Variants in VPS35L observed in about 807,000 individuals in gnomAD.
VPS35L encodes the protein VPS35 endosomal protein sorting factor like, also known as VPS35 endosomal protein-sorting factor-like.
A neutral mutation model predicts 133.0 loss-of-function variants in VPS35L; 83 were observed. The ratio of observed to expected loss-of-function variants is 0.62; its 90% confidence interval spans 0.52 to 0.75. VPS35L has a LOEUF of 0.75. VPS35L is among the 30% of genes least tolerant of loss of function. The pLI is 0.00. For missense variants in VPS35L, 1,083 were observed against 1,206.8 expected, an observed-to-expected ratio of 0.90 and a Z score of 1.52; for synonymous variants, 423 against 449.9, an observed-to-expected ratio of 0.94 and a Z score of 0.76.
chr16:19,630,906 G>C (rs1361565353), intron 18 of VPS35L, among the ~76,000 whole-genome samples: 1 of 152,160 alleles, frequency 6.6e-6, no homozygotes, highest in African/African-American at 2.4e-5. Flanking sequence ...CTACCCAGGA[G>C]GTTGAGGGAG....
intron 20 of VPS35L, 87 bp downstream of exon 20, chr16:19,637,743 G>A (rs1397641760): frequency 3.3e-6 from 3 of 915,010 alleles, no homozygotes; most frequent in Non-Finnish European, 5.0e-6. Context: ...TGATGCCCCA[G>A]GCCAAAAGAA....
chr16:19,602,017 T>C (rs1972400439), intron 9 of VPS35L, among the ~76,000 whole-genome samples: 1 of 152,048 alleles, frequency 6.6e-6, no homozygotes, highest in African/African-American at 2.4e-5. Context: ...ACTTTAATAT[T>C]TTTCCTATGT....
chr16:19,674,336 C>T (rs986024005), intron 27 of VPS35L, among the ~76,000 whole-genome samples: 7 of 150,096 alleles, frequency 4.7e-5, no homozygotes, highest in African/African-American at 9.8e-5. Context: ...AGACTACAGG[C>T]GCCCACCACC....
chr16:19,662,233 G>A (rs915814522), intron 26 of VPS35L, among the ~76,000 whole-genome samples: 6 of 152,148 alleles, frequency 3.9e-5, no homozygotes, highest in East Asian at 3.9e-4. Context: ...GGCCAGGCAC[G>A]GTGGCTCATG....
intron 22 of VPS35L, 91 bp downstream of exon 22, chr16:19,642,567 T>C (rs140711599): frequency 0.014 from 14,445 of 1,045,810 alleles, 227 homozygotes; most frequent in African/African-American, 0.056. Context: ...AAGCTGCCAC[T>C]GTGAATAATA....
chr16:19,677,831 C>T (rs1052765714), intron 27 of VPS35L, among the ~76,000 whole-genome samples: 8 of 152,216 alleles, frequency 5.3e-5, no homozygotes, highest in Non-Finnish European at 1.0e-4. Context: ...GAAGAACATA[C>T]GAGCTCACCT....
chr16:19,700,512 G>A lies in VPS35L; in HGVS notation c.*36G>A. 1 of 1,547,320 alleles carries A rather than the reference G, an allele frequency of 6.5e-7. No individual in the cohort carries two copies. Among genetic ancestry groups the A allele is most frequent in the Admixed American group, 1.7e-5 (1 of 59,364 alleles). On this transcript the variant is annotated 3_prime_UTR_variant, in exon 31 of 31. Coordinates refer to ENST00000417362, the MANE Select transcript of VPS35L (RefSeq NM_020314.7). ...CATCCCCAGGCTCAGGGACTCTGGT[G>A]CCAAATCCAGAAAGATCTGCTCTGC...
chr16:19,557,391 TTTG>T lies in VPS35L; in HGVS notation c.17+1657_17+1659del, dbSNP rs140661719. Among the ~76,000 whole-genome samples the T allele has an allele frequency of 1.3e-3, 200 of 152,250 alleles. 6 individuals carry two copies. In the East Asian group the frequency reaches 0.034, roughly 26 times the overall value. On this transcript the variant is annotated intron_variant, in intron 1 of 30. Transcript: ENST00000417362. ...CCTAATATGGCCGTGCTCTAAATATTTTGTTGTTGTTGTTTTTGTTGAGACGGA... is the reference window on the plus strand; with the variant it reads ...CCTAATATGGCCGTGCTCTAAATATTTTGTTGTTGTTTTTGTTGAGACGGA...
At chr16:19,645,432 G>GGCGCCCGGCACC (rs1277090318) in intron 23 of VPS35L, among the ~76,000 whole-genome samples, 3 of 152,110 alleles carry the variant, frequency 2.0e-5, no homozygotes, top group African/African-American at 7.2e-5. Context: ...TGGGACTACA[G>GGCGCCCGGCACC]GCGCCCGGCA....
At chr16:19,695,184 T>G (rs1171532835) in intron 29 of VPS35L, among the ~76,000 whole-genome samples, 2 of 152,168 alleles carry the variant, frequency 1.3e-5, no homozygotes, top group African/African-American at 4.8e-5. Context: ...GATGTGTGTT[T>G]GACAAGCCAC....
chr16:19,670,624 A>G (rs1974844737), intron 27 of VPS35L, among the ~76,000 whole-genome samples: 1 of 152,218 alleles, frequency 6.6e-6, no homozygotes, highest in South Asian at 2.1e-4. Context: ...GCAGAAATTA[A>G]GAGGGGCATT....
At chr16:19,608,095 C>A in intron 9 of VPS35L, 83 bp from the exon 10 acceptor site, 1 of 994,558 alleles carries the variant, frequency 1.0e-6, no homozygotes, top group South Asian at 1.3e-5. Flanking sequence ...CTTTTCTGCT[C>A]CAGGGTAATG....
chr16:19,609,045 G>A (rs1043332948), intron 11 of VPS35L, 24 bp downstream of exon 11: 1 of 1,605,638 alleles, frequency 6.2e-7, no homozygotes, highest in African/African-American at 1.3e-5. Context: ...GTAAAATCTA[G>A]AACCATAAAA....
chr16:19,589,959 T>G (rs1971988359), intron 7 of VPS35L, among the ~76,000 whole-genome samples: 1 of 152,026 alleles, frequency 6.6e-6, no homozygotes, highest in South Asian at 2.1e-4. Flanking sequence ...GTCTCTGAGA[T>G]TTGGAGTTGT....
chr16:19,621,619 C>T (rs1973083937), intron 14 of VPS35L, among the ~76,000 whole-genome samples: 2 of 152,216 alleles, frequency 1.3e-5, no homozygotes, highest in Non-Finnish European at 2.9e-5. Context: ...GTTTCAATCT[C>T]TGTCTGCTTT....
chr16:19,637,631 A>T lies in VPS35L; in HGVS notation c.1673A>T (p.His558Leu). 2 of 1,579,684 alleles carry T rather than the reference A, an allele frequency of 1.3e-6. No individual in the cohort carries two copies. Among genetic ancestry groups the T allele is most frequent in the Non-Finnish European group, 1.7e-6 (2 of 1,158,210 alleles). The change falls in exon 20 of 31, where the codon CAT (histidine) becomes CTT (leucine). Residue 558 changes from histidine (H) to leucine (L), a missense_variant. His to Leu is a moderately conservative substitution (Grantham distance 99, BLOSUM62 -3). Transcript: ENST00000417362. The part of the protein sequence containing the change: ...LIIKKVIAHF[H>L]DFSVLFSVEK... Reference sequence around the variant, plus strand: ...ATTAAGAAAGTTATTGCCCACTTCCATGACTTCTCAGTTCTTTTCTCAGTG... The same window carrying T: ...ATTAAGAAAGTTATTGCCCACTTCCTTGACTTCTCAGTTCTTTTCTCAGTG...
At chr16:19,688,697 GT>G (rs1975554766) in intron 28 of VPS35L, among the ~76,000 whole-genome samples, 1 of 152,226 alleles carries the variant, frequency 6.6e-6, no homozygotes, top group Admixed American at 6.5e-5. Flanking sequence ...CCCAGACAGA[GT>G]GCTGCTTGTT....
rs949516618 is a variant in VPS35L at position 19,578,853 on chromosome 16, G to T, written c.434-199G>T. ...AGGCTGGCCCACTGGGCTCCCAGGG[G>T]CAGCTTCTAAGTGGGAAATGTTTCG... On this transcript the variant is annotated intron_variant, in intron 5 of 30. Transcript: ENST00000417362. The T allele has an allele frequency of 5.0e-6, 3 of 598,230 alleles. No homozygotes were observed. In the African/African-American group the frequency reaches 5.6e-5, roughly 11 times the overall value. The allele number at this position is 598,230 out of a possible 1,614,324, so 37.1% of individuals were successfully genotyped here. A position where few individuals can be genotyped will look rare whatever the true frequency, so the allele number is the denominator to read the frequency against.
At position 19,644,893 on chromosome 16, in the gene VPS35L, A is replaced by G. The variant is rs749801300; in HGVS notation, c.1873A>G (p.Thr625Ala). 1 of 1,596,328 alleles carries G rather than the reference A, an allele frequency of 6.3e-7. No homozygotes were observed. The highest frequency in any genetic ancestry group is 1.7e-5 in the Admixed American group (1 of 59,438). ...TACAATTATTGATTTTAGTGCACTC[A>G]CTCTTGAGGATGAGAAAAGAATGCT... ...KTMHDSVNAL[T>A]LEDEKRMLSY... Residue 625 changes from threonine to alanine, a missense_variant, in exon 23 of 31, where the codon ACT becomes GCT. Coordinates refer to ENST00000417362, the MANE Select transcript of VPS35L (RefSeq NM_020314.7).
Sources: allele counts gnomAD v4.1 joint callset (sites outside exome capture counted in the v4.1 genomes callset), GRCh38; gene constraint gnomAD v4.1.1; transcripts MANE v1.5; gene names NCBI Gene and HGNC (gene_info 2026-07-23, HGNC 2026-07-21).